Variants in ZNF362 observed in about 807,000 individuals in gnomAD.
The protein encoded by ZNF362 is rotund homolog.
ZNF362 carries 11 observed loss-of-function variants against 42.9 expected under a neutral mutation model. The ratio of observed to expected loss-of-function variants is 0.26; its 90% confidence interval spans 0.16 to 0.42. ZNF362 has a LOEUF of 0.42. Among genes scored for constraint, ZNF362 ranks in the 20% least tolerant of loss-of-function variants. ZNF362 has a pLI of 1.00. For synonymous variants in ZNF362, 255 were observed against 257.3 expected, an observed-to-expected ratio of 0.99 and a Z score of 0.09; for missense variants, 362 against 576.2, an observed-to-expected ratio of 0.63 and a Z score of 3.81.
At chr1:33,262,297 CTTTTTTTTTTTTTTT>C (rs55730909) in intron 1 of ZNF362, among the ~76,000 whole-genome samples, 5 of 48,134 alleles carry the variant, frequency 1.0e-4, no homozygotes, top group Non-Finnish European at 1.4e-4. Context: ...CTTTAGGATT[CTTTTTTTTTTTTTTT>C]TTTTTTTTTT....
At chr1:33,295,457 G>A in intron 8 of ZNF362, 152 bp downstream of exon 8, 2 of 1,089,770 alleles carry the variant, frequency 1.8e-6, no homozygotes, top group South Asian at 1.6e-5. Context: ...GAGATCACAG[G>A]GAAGGGGAGA....
At chr1:33,264,456 A>C (rs1248051989) in intron 1 of ZNF362, among the ~76,000 whole-genome samples, 1 of 152,148 alleles carries the variant, frequency 6.6e-6, no homozygotes, top group Non-Finnish European at 1.5e-5. Flanking sequence ...TGTTCGAAAG[A>C]TTTTATCCAT....
At chr1:33,287,569 C>A (rs180989162) in intron 6 of ZNF362, among the ~76,000 whole-genome samples, 286 of 152,308 alleles carry the variant, frequency 1.9e-3, no homozygotes, top group Non-Finnish European at 3.3e-3. Context: ...ATTTGTGGAA[C>A]TAGAACTAGA....
intron 6 of ZNF362, among the ~76,000 whole-genome samples, chr1:33,289,580 G>A (rs1646060935): frequency 6.6e-6 from 1 of 152,208 alleles, no homozygotes; most frequent in Admixed American, 6.5e-5. Flanking sequence ...CTGGAGGACT[G>A]TCGGTCAGTC....
the ZNF362 span, among the ~76,000 whole-genome samples, chr1:33,183,214 G>T: frequency 6.6e-6 from 1 of 152,156 alleles, no homozygotes; most frequent in African/African-American, 2.4e-5. Flanking sequence ...GTGATGGTTG[G>T]ATACGGGGGT....
the ZNF362 span, among the ~76,000 whole-genome samples, chr1:33,189,655 A>ATATATATAT: frequency 4.3e-5 from 1 of 23,336 alleles, no homozygotes; most frequent in African/African-American, 8.0e-5. Flanking sequence ...ATATATATAT[A>ATATATATAT]TATATATATA....
chr1:33,134,511 C>A, the ZNF362 span, among the ~76,000 whole-genome samples: 2 of 152,176 alleles, frequency 1.3e-5, no homozygotes, highest in East Asian at 3.9e-4. Flanking sequence ...AAAGGACTAT[C>A]CTATGGAAAG....
At chr1:33,247,267 G>A in the ZNF362 span, among the ~76,000 whole-genome samples, 4 of 152,236 alleles carry the variant, frequency 2.6e-5, no homozygotes, top group Admixed American at 6.5e-5. Flanking sequence ...AATATGCTCA[G>A]GGCAGGTCAA....
intron 6 of ZNF362, among the ~76,000 whole-genome samples, chr1:33,288,333 G>C (rs559458300): frequency 4.6e-4 from 70 of 152,310 alleles, no homozygotes; most frequent in Non-Finnish European, 6.3e-4. Flanking sequence ...CCAGGCAAGA[G>C]AGAAGAGCAA....
At chr1:33,227,991 G>A in the ZNF362 span, among the ~76,000 whole-genome samples, 1 of 152,278 alleles carries the variant, frequency 6.6e-6, no homozygotes, top group South Asian at 2.1e-4. Flanking sequence ...ACTCGGAATT[G>A]TGAAAAGGGC....
At chr1:33,234,072 G>T in the ZNF362 span, among the ~76,000 whole-genome samples, 381 of 152,240 alleles carry the variant, frequency 2.5e-3, 2 homozygotes, top group African/African-American at 8.6e-3. Context: ...CTTGCTGTCT[G>T]CCAGACATTC....
At chr1:33,256,724 C>T (rs1309736403) in intron 1 of ZNF362, 70 bp downstream of exon 1, 1 of 145,176 alleles carries the variant, frequency 6.9e-6, no homozygotes, top group Non-Finnish European at 1.5e-5. Context: ...GGGAAAGTTG[C>T]GCCGAGTTGC....
At chr1:33,177,085 G>A in the ZNF362 span, among the ~76,000 whole-genome samples, 5 of 147,738 alleles carry the variant, frequency 3.4e-5, no homozygotes, top group Non-Finnish European at 7.5e-5. The surrounding 1 kb of genome is among the most constrained non-coding windows in gnomAD (Gnocchi z 4.1). Flanking sequence ...ACACATGCAT[G>A]CACAAATGCA....
the ZNF362 span, chr1:33,159,667 G>A: frequency 6.3e-7 from 1 of 1,591,830 alleles, no homozygotes; most frequent in South Asian, 1.1e-5. This position sits in a 1 kb window ranked among gnomAD's most constrained non-coding sequence, Gnocchi z 4.2. Context: ...GCCGGGGAGG[G>A]CCCCGGCGGG....
chr1:33,200,766 T>A, the ZNF362 span, among the ~76,000 whole-genome samples: 7 of 152,304 alleles, frequency 4.6e-5, no homozygotes, highest in East Asian at 1.4e-3. Context: ...AATACATTGT[T>A]ATGGGCTAAA....
the ZNF362 span, among the ~76,000 whole-genome samples, chr1:33,185,886 G>C: frequency 6.6e-6 from 1 of 152,058 alleles, no homozygotes; most frequent in Non-Finnish European, 1.5e-5. Flanking sequence ...GGCATTATTT[G>C]CATAACAAAA....
At chr1:33,226,152 C>T in the ZNF362 span, among the ~76,000 whole-genome samples, 1 of 152,158 alleles carries the variant, frequency 6.6e-6, no homozygotes, top group Admixed American at 6.5e-5. Context: ...ACATGTAGAT[C>T]TCTTACAAAG....
chr1:33,208,577 C>G, the ZNF362 span, among the ~76,000 whole-genome samples: 1 of 152,124 alleles, frequency 6.6e-6, no homozygotes, highest in Non-Finnish European at 1.5e-5. Context: ...GAATGTTCTT[C>G]CATTTGTTTG....
the ZNF362 span, among the ~76,000 whole-genome samples, chr1:33,219,031 G>A: frequency 6.6e-6 from 1 of 150,896 alleles, no homozygotes; most frequent in Non-Finnish European, 1.5e-5. Context: ...TTCTCAGGAA[G>A]CCACTTGATT....
Sources: allele counts gnomAD v4.1 joint callset (sites outside exome capture counted in the v4.1 genomes callset), GRCh38; gene constraint gnomAD v4.1.1; non-coding constraint Gnocchi (gnomAD v3.1); transcripts MANE v1.5; gene names NCBI Gene and HGNC (gene_info 2026-07-23, HGNC 2026-07-21).